Variants in ROBO2 observed in about 807,000 individuals in gnomAD.
ROBO2 encodes the protein roundabout homolog 2.
Under a neutral mutation model 160.8 loss-of-function variants are expected in ROBO2, and 53 were observed. The observed-to-expected ratio is 0.33, with a 90% CI of 0.26 to 0.41. ROBO2 has a LOEUF of 0.41. Among genes scored for constraint, ROBO2 ranks in the 10% least tolerant of loss-of-function variants. The pLI, the probability that ROBO2 is intolerant of heterozygous loss-of-function variation, is 1.00. For synonymous variants in ROBO2, 664 were observed against 611.7 expected (o/e 1.09, Z -1.26); for missense variants, 1,577 against 1,722.4 (o/e 0.92, Z 1.49).
At chr3:77,509,447 T>C (rs1464361583) in intron 5 of ROBO2, among the ~76,000 whole-genome samples, 1 of 152,000 alleles carries the variant, frequency 6.6e-6, no homozygotes, top group Non-Finnish European at 1.5e-5. Context: ...ATTTAACTTA[T>C]ATCTACCTCG....
chr3:75,973,888 G>A lies in ROBO2; in HGVS notation c.109+36286G>A, dbSNP rs998327498. On this transcript the variant is annotated intron_variant, in intron 2 of 26. Coordinates refer to the ROBO2 transcript ENST00000487694. Reference sequence around the variant, plus strand: ...AGAAGATTAAAATTAATTACCCAGGGTTAGAAAAAAATCATAAAAAAGAAG... The same window carrying A: ...AGAAGATTAAAATTAATTACCCAGGATTAGAAAAAAATCATAAAAAAGAAG... Among the ~76,000 whole-genome samples, 5 of 151,410 alleles carry A rather than the reference G, an allele frequency of 3.3e-5. No individual in the cohort carries two copies. The East Asian group carries it at 9.8e-4, about 30-fold the overall frequency.
chr3:76,697,318 A>G (rs2092948660), intron 2 of ROBO2, among the ~76,000 whole-genome samples: 1 of 152,190 alleles, frequency 6.6e-6, no homozygotes. Context: ...TCCAGGTCAA[A>G]TGATGAATAA....
At position 76,048,353 on chromosome 3, in the gene ROBO2, CA is replaced by C. The variant is rs566147322; in HGVS notation, c.109+110753del. Among the ~76,000 whole-genome samples the C allele has an allele frequency of 9.3e-4, 142 of 152,180 alleles. 1 individual carries two copies. The highest frequency in any genetic ancestry group is 1.6e-3 in the Non-Finnish European group (111 of 68,012). On this transcript the variant is annotated intron_variant, in intron 2 of 26. Coordinates refer to the ROBO2 transcript ENST00000487694. ...AATTAAAATTAAACTTATATTTGTG[CA>C]ACTTGAAAATTGTGAATTTTTCCTG... is the stretch of plus-strand genomic sequence containing the variant.
intron 2 of ROBO2, among the ~76,000 whole-genome samples, chr3:76,033,652 G>A (rs2067003076): frequency 6.6e-6 from 1 of 152,150 alleles, no homozygotes; most frequent in Non-Finnish European, 1.5e-5. Context: ...CCATTTTATT[G>A]GGTACGATGT....
At chr3:77,447,324 T>C (rs1560859282) in intron 2 of ROBO2, among the ~76,000 whole-genome samples, 1 of 152,132 alleles carries the variant, frequency 6.6e-6, no homozygotes, top group African/African-American at 2.4e-5. Flanking sequence ...ATGTCAAGTG[T>C]TGGAATATTC....
chr3:76,064,680 TA>T (rs1436964590), intron 2 of ROBO2, among the ~76,000 whole-genome samples: 1 of 152,270 alleles, frequency 6.6e-6, no homozygotes, highest in East Asian at 1.9e-4. Flanking sequence ...GATTTTCTTT[TA>T]ATGCAAAATA....
At position 77,043,728 on chromosome 3, in the gene ROBO2, AT is replaced by A. The variant is rs1255783760; in HGVS notation, c.61+2883del. Among the ~76,000 whole-genome samples, 3 of 152,302 alleles carry A rather than the reference AT, an allele frequency of 2.0e-5. No individual in the cohort carries two copies. The East Asian group carries it at 5.8e-4, about 29-fold the overall frequency. On this transcript the variant is annotated intron_variant, in intron 1 of 25. Transcript: ENST00000461745. ...CATTTATGGGAAATTAATATGAACTATGGCAACACTTTTAAATTACATCTAT... is the reference window on the plus strand; with the variant it reads ...CATTTATGGGAAATTAATATGAACTAGGCAACACTTTTAAATTACATCTAT...
At chr3:77,550,776 A>G in intron 7 of ROBO2, 42 bp from the exon 9 acceptor site, 1 of 1,604,744 alleles carries the variant, frequency 6.2e-7, no homozygotes, top group Non-Finnish European at 8.5e-7. Context: ...AATTTTTTTA[A>G]GTGGAAAATG....
intron 2 of ROBO2, among the ~76,000 whole-genome samples, chr3:77,288,754 G>GA (rs1036637144): frequency 1.3e-5 from 2 of 151,336 alleles, no homozygotes; most frequent in African/African-American, 4.9e-5. Flanking sequence ...ATGTACTGGG[G>GA]AAAAAAAAGG....
intron 2 of ROBO2, among the ~76,000 whole-genome samples, chr3:76,858,890 C>T (rs2070435912): frequency 6.6e-6 from 1 of 152,142 alleles, no homozygotes; most frequent in African/African-American, 2.4e-5. Context: ...TACAAAAGAT[C>T]TGTCCTGGAA....
chr3:77,645,887 T>C (rs979545364), intron 25 of ROBO2, among the ~76,000 whole-genome samples, 167 bp from the exon 28 acceptor site: 1 of 152,174 alleles, frequency 6.6e-6, no homozygotes, highest in African/African-American at 2.4e-5. Context: ...TTCTTTCCTT[T>C]TACTCTTTGA....
intron 2 of ROBO2, among the ~76,000 whole-genome samples, chr3:76,294,948 T>C (rs1445993868): frequency 3.9e-5 from 6 of 152,158 alleles, no homozygotes; most frequent in Non-Finnish European, 7.3e-5. Context: ...TACAGGCAGG[T>C]AAGATGTTCC....
chr3:77,088,367 A>G (rs533585212), intron 1 of ROBO2, among the ~76,000 whole-genome samples: 29 of 152,290 alleles, frequency 1.9e-4, no homozygotes, highest in Non-Finnish European at 4.1e-4. Flanking sequence ...ATTTTACATA[A>G]TTAATTACAT....
chr3:77,608,900 A>G (rs1378232023), intron 21 of ROBO2, among the ~76,000 whole-genome samples: 1 of 151,726 alleles, frequency 6.6e-6, no homozygotes, highest in African/African-American at 2.4e-5. Context: ...GGCTTAAAAA[A>G]TCACATATAC....
chr3:76,103,407 T>C (rs941100160), intron 2 of ROBO2, among the ~76,000 whole-genome samples: 1 of 152,220 alleles, frequency 6.6e-6, no homozygotes, highest in African/African-American at 2.4e-5. Context: ...AATAGGTTTC[T>C]AACTGAAGAA....
intron 6 of ROBO2, among the ~76,000 whole-genome samples, chr3:77,533,513 G>A (rs1322823437): frequency 6.6e-6 from 1 of 152,218 alleles, no homozygotes; most frequent in African/African-American, 2.4e-5. Context: ...GGTGTTTTTC[G>A]GAATCTGGTT....
chr3:77,114,916 C>T (rs1386455735), intron 2 of ROBO2, among the ~76,000 whole-genome samples: 2 of 152,154 alleles, frequency 1.3e-5, no homozygotes, highest in Admixed American at 6.5e-5. Context: ...ATTAAACCAA[C>T]ATCACATTTG....
chr3:77,073,571 C>T (rs1216543532), intron 1 of ROBO2, among the ~76,000 whole-genome samples: 1 of 152,144 alleles, frequency 6.6e-6, no homozygotes, highest in African/African-American at 2.4e-5. Flanking sequence ...TGCAGTAAAC[C>T]TAAGCATTTC....
In ROBO2 at chr3:76,691,784, G is replaced by A. The variant is rs546076507; in HGVS notation, c.110-406230G>A. Among the ~76,000 whole-genome samples the A allele has an allele frequency of 7.2e-5, 11 of 152,152 alleles. No individual in the cohort carries two copies. In the South Asian group the frequency reaches 8.3e-4, roughly 11 times the overall value. Reference sequence around the variant, plus strand: ...GAGGCTGTGAGTCTTATACCAAAGCGATGACCTGAAAATGATGAGGCAACT... The same window carrying A: ...GAGGCTGTGAGTCTTATACCAAAGCAATGACCTGAAAATGATGAGGCAACT... On this transcript the variant is annotated intron_variant, in intron 2 of 26. Coordinates refer to the ROBO2 transcript ENST00000487694.
Sources: gnomAD v4.1 joint callset for allele counts (sites outside exome capture counted in the v4.1 genomes callset) on GRCh38, gnomAD v4.1.1 for gene constraint, MANE v1.5 for transcripts, NCBI Gene and HGNC (gene_info 2026-07-23, HGNC 2026-07-21) for gene names.